The following HS3ST5 variants were observed in gnomAD, a reference collection of about 807,000 sequenced individuals.
The protein encoded by HS3ST5 is heparan sulfate glucosamine 3-O-sulfotransferase 5.
A neutral mutation model predicts 25.4 loss-of-function variants in HS3ST5; 10 were observed. The ratio of observed to expected loss-of-function variants is 0.39; its 90% CI spans 0.24 to 0.67. HS3ST5 has a LOEUF of 0.67. HS3ST5 is among the 30% of genes least tolerant of loss of function. HS3ST5 has a pLI of 0.44. For synonymous variants in HS3ST5, 170 were observed against 162.4 expected, an observed-to-expected ratio of 1.05 and a Z score of -0.36; for missense variants, 324 against 420.7, an observed-to-expected ratio of 0.77 and a Z score of 2.01.
At chr6:114,299,044 G>A (rs562277193) in intron 1 of HS3ST5, among the ~76,000 whole-genome samples, 14 of 152,262 alleles carry the variant, frequency 9.2e-5, no homozygotes, top group South Asian at 2.1e-4. Flanking sequence ...TGAGCCGGGC[G>A]GAACAGAGCC....
intron 2 of HS3ST5, among the ~76,000 whole-genome samples, chr6:114,193,233 AAC>A (rs946398794): frequency 2.6e-5 from 4 of 152,222 alleles, no homozygotes; most frequent in African/African-American, 9.6e-5. Context: ...CATATGAACA[AAC>A]ACACAGACAG....
chr6:114,192,373 A>G (rs1387128488), intron 2 of HS3ST5, among the ~76,000 whole-genome samples: 2 of 152,220 alleles, frequency 1.3e-5, no homozygotes, highest in East Asian at 3.8e-4. Flanking sequence ...CAGATTAGAG[A>G]ACTCTCTCAC....
rs77632447 is a variant in HS3ST5, at chr6:114,305,043, T to C, written c.-339+37152A>G. Among the ~76,000 whole-genome samples, 606 of 152,262 alleles carry C rather than the reference T, an allele frequency of 4.0e-3. 20 individuals are homozygous for C. The East Asian group carries it at 0.055, about 14-fold the overall frequency. On this transcript the variant is annotated intron_variant, in intron 1 of 4. Coordinates refer to ENST00000312719, the MANE Select transcript of HS3ST5 (RefSeq NM_153612.4). ...TTGCAATGTGAAATCTGAAACCATA[T>C]CAATGTACTCTATTACATTAAAATT...
rs986134337 is a variant in HS3ST5, at chr6:114,131,527, G to C, written c.-33+36824C>G. Among the ~76,000 whole-genome samples, 3 of 152,258 alleles carry C rather than the reference G, an allele frequency of 2.0e-5. No individual in the cohort carries two copies. The South Asian group carries it at 6.2e-4, about 32-fold the overall frequency. On this transcript the variant is annotated intron_variant, in intron 3 of 4. Transcript: ENST00000312719. ...GAATATGCCATATAGAGAAAAAAGT[G>C]TCCTTAAACTTCTTAGGGAACATGG...
At chr6:114,061,760 G>C (rs1172851896) in intron 4 of HS3ST5, among the ~76,000 whole-genome samples, 1 of 152,224 alleles carries the variant, frequency 6.6e-6, no homozygotes, top group South Asian at 2.1e-4. Flanking sequence ...AACCAGCCTG[G>C]CCAACACAGT....
At chr6:114,202,213 C>A (rs1287406791) in intron 2 of HS3ST5, among the ~76,000 whole-genome samples, 1 of 152,116 alleles carries the variant, frequency 6.6e-6, no homozygotes, top group African/African-American at 2.4e-5. Context: ...TGAGACCAGG[C>A]GTTTGACACT....
intron 3 of HS3ST5, among the ~76,000 whole-genome samples, chr6:114,133,020 A>G (rs1172008378): frequency 6.6e-6 from 1 of 151,908 alleles, no homozygotes; most frequent in Non-Finnish European, 1.5e-5. Context: ...CCCCACTCCA[A>G]ACCCTTCCAT....
intron 3 of HS3ST5, among the ~76,000 whole-genome samples, chr6:114,150,563 T>C (rs1778401087): frequency 1.3e-5 from 2 of 151,990 alleles, no homozygotes; most frequent in African/African-American, 2.4e-5. Context: ...GGACTGGAGG[T>C]GAAAGCCCTA....
At chr6:114,133,469 A>G (rs1368218376) in intron 3 of HS3ST5, among the ~76,000 whole-genome samples, 1 of 152,200 alleles carries the variant, frequency 6.6e-6, no homozygotes, top group East Asian at 1.9e-4. Context: ...AGATTTGCAT[A>G]GAGAATCTAT....
intron 2 of HS3ST5, among the ~76,000 whole-genome samples, chr6:114,207,885 AT>A (rs1406763353): frequency 2.6e-5 from 4 of 152,120 alleles, no homozygotes; most frequent in Non-Finnish European, 5.9e-5. Context: ...ATATCATACT[AT>A]GCTGTGTAAT....
chr6:114,099,140 C>T (rs930752963), intron 3 of HS3ST5, among the ~76,000 whole-genome samples: 1 of 152,172 alleles, frequency 6.6e-6, no homozygotes, highest in Non-Finnish European at 1.5e-5. Context: ...CTCTTCCATG[C>T]TGCAGAAAAT....
intron 2 of HS3ST5, among the ~76,000 whole-genome samples, chr6:114,208,150 T>A (rs1582716166): frequency 6.6e-6 from 1 of 152,212 alleles, no homozygotes; most frequent in African/African-American, 2.4e-5. Context: ...AACTTAATCA[T>A]TGAGACACTG....
rs1439434345 is a variant in HS3ST5, at chr6:114,058,143, G to T, written c.155C>A (p.Thr52Asn). ...GGCGCGAAGTGGGAATTCAGCCTGA[G>T]TGCGGGCTCCACCCAGTCGACCTTC... ...PIEGRLGGARTQAEFPLRALQ... is the reference protein window; with the variant it reads ...PIEGRLGGARNQAEFPLRALQ... Residue 52 changes from threonine (T) to asparagine (N), a missense_variant, in exon 5 of 5, where the codon ACT becomes AAT. Coordinates refer to ENST00000312719, the MANE Select transcript of HS3ST5 (RefSeq NM_153612.4). 6.2e-7 allele frequency: 1 copy of T among 1,612,450 alleles called. No individual in the cohort carries two copies. The highest frequency in any genetic ancestry group is 2.2e-5 in the East Asian group (1 of 44,820).
intron 3 of HS3ST5, among the ~76,000 whole-genome samples, chr6:114,133,013 C>A (rs1366962260): frequency 6.6e-6 from 1 of 152,184 alleles, no homozygotes; most frequent in Non-Finnish European, 1.5e-5. Context: ...ATCTTTCCCC[C>A]ACTCCAAACC....
intron 3 of HS3ST5, among the ~76,000 whole-genome samples, chr6:114,114,920 A>G (rs2114858616): frequency 6.6e-6 from 1 of 152,226 alleles, no homozygotes; most frequent in African/African-American, 2.4e-5. Context: ...TCACTCAGCA[A>G]ATCACCTTTG....
At chr6:114,142,152 T>C (rs938221569) in intron 3 of HS3ST5, among the ~76,000 whole-genome samples, 1 of 152,132 alleles carries the variant, frequency 6.6e-6, no homozygotes, top group African/African-American at 2.4e-5. Flanking sequence ...TTTCTTAAGC[T>C]TTCCTGCTTG....
At chr6:114,194,095 A>C (rs772732706) in intron 2 of HS3ST5, among the ~76,000 whole-genome samples, 10 of 151,932 alleles carry the variant, frequency 6.6e-5, no homozygotes, top group Non-Finnish European at 1.3e-4. Context: ...AAGAGAAGAG[A>C]ATCATATTGA....
chr6:114,229,610 C>A (rs1426186449), intron 1 of HS3ST5, among the ~76,000 whole-genome samples: 1 of 152,242 alleles, frequency 6.6e-6, no homozygotes, highest in Non-Finnish European at 1.5e-5. Context: ...CAAGTGTTCA[C>A]TTTCTGATTC....
intron 3 of HS3ST5, among the ~76,000 whole-genome samples, chr6:114,120,621 A>C (rs981710956): frequency 5.9e-5 from 9 of 152,230 alleles, no homozygotes; most frequent in Admixed American, 6.5e-5. Flanking sequence ...ATCAGGGGAC[A>C]TTAATGATTT....
Sources: gnomAD v4.1 joint callset for allele counts (sites outside exome capture counted in the v4.1 genomes callset) on GRCh38, gnomAD v4.1.1 for gene constraint, MANE v1.5 for transcripts, NCBI Gene and HGNC (gene_info 2026-07-23, HGNC 2026-07-21) for gene names.